CGNL1: variants seen among roughly 807,000 people sequenced by gnomAD.
The protein encoded by CGNL1 is cingulin-like protein 1.
A neutral mutation model predicts 141.2 loss-of-function variants in CGNL1; 132 were observed. The observed-to-expected ratio is 0.93, with a 90% CI of 0.81 to 1.08. The LOEUF (loss-of-function observed/expected upper bound fraction) is 1.08. Among genes scored for constraint, CGNL1 ranks in the 50% least tolerant of loss-of-function variants. CGNL1 has a pLI of 0.00. For synonymous variants in CGNL1, 690 were observed against 622.1 expected (o/e 1.11, Z -1.63); for missense variants, 1,870 against 1,588.6 (o/e 1.18, Z -3.01).
chr15:57,386,299 A>G (rs1239619799), intron 1 of CGNL1, among the ~76,000 whole-genome samples: 1 of 152,166 alleles, frequency 6.6e-6, no homozygotes. Flanking sequence ...GTTAAAGGGC[A>G]GATAGGTAAT....
intron 8 of CGNL1, among the ~76,000 whole-genome samples, chr15:57,471,640 G>A (rs1055468389): frequency 3.9e-5 from 6 of 152,200 alleles, no homozygotes; most frequent in East Asian, 1.9e-4. Flanking sequence ...TTCTGGGGGG[G>A]CCTCCTGCTC....
intron 10 of CGNL1, 117 bp downstream of exon 10, chr15:57,518,614 C>G (rs1296391202): frequency 2.3e-5 from 16 of 683,044 alleles, no homozygotes; most frequent in South Asian, 3.6e-5. Context: ...TCCCTTTCAC[C>G]CATAATAACC....
chr15:57,473,910 T>C (rs1481238388), intron 8 of CGNL1, among the ~76,000 whole-genome samples: 6 of 133,838 alleles, frequency 4.5e-5, no homozygotes, highest in Admixed American at 1.5e-4. Context: ...TTTTTTTTTT[T>C]TTTTTTTTTT....
At chr15:57,433,311 A>G in intron 1 of CGNL1, among the ~76,000 whole-genome samples, 1 of 152,202 alleles carries the variant, frequency 6.6e-6, no homozygotes, top group East Asian at 1.9e-4. Context: ...TTGTTTTATG[A>G]TATTAGTAGC....
chr15:57,439,038 A>G lies in CGNL1; in HGVS notation c.1039A>G (p.Thr347Ala), dbSNP rs140722834. The stretch of plus-strand genomic sequence containing the variant: ...GCCAGGAACTGGACGGGATATTGAT[A>G]CAGGATCAATTCCTGGTGTGGATCA... Reference protein sequence around the residue: ...FLPGTGRDIDTGSIPGVDQLI... With the variant: ...FLPGTGRDIDAGSIPGVDQLI... Residue 347 changes from threonine to alanine, a missense_variant, in exon 2 of 19, where the codon ACA (threonine) becomes GCA (alanine). Physicochemically the swap from Thr to Ala is moderately conservative, Grantham distance 58 (BLOSUM62 0). Transcript: ENST00000281282. The G allele has an allele frequency of 6.2e-7, 1 of 1,614,168 alleles. No individual in the cohort carries two copies. Among genetic ancestry groups the G allele is most frequent in the South Asian group, 1.1e-5 (1 of 91,086 alleles).
intron 14 of CGNL1, among the ~76,000 whole-genome samples, chr15:57,534,557 A>G (rs2032142559): frequency 6.6e-6 from 1 of 152,192 alleles, no homozygotes; most frequent in African/African-American, 2.4e-5. Flanking sequence ...TTGGGTATAG[A>G]CAGATGGGCC....
At chr15:57,471,472 G>A (rs2063580143) in intron 8 of CGNL1, among the ~76,000 whole-genome samples, 1 of 152,184 alleles carries the variant, frequency 6.6e-6, no homozygotes, top group African/African-American at 2.4e-5. Context: ...CAGAAGGTAG[G>A]GCTGATACCC....
chr15:57,449,459 T>A (rs544388051), intron 4 of CGNL1, among the ~76,000 whole-genome samples: 14 of 152,284 alleles, frequency 9.2e-5, no homozygotes, highest in African/African-American at 3.4e-4. Context: ...GTGCAGACAG[T>A]TCCCGTTTAC....
intron 1 of CGNL1, among the ~76,000 whole-genome samples, chr15:57,407,747 AT>A (rs35752757): frequency 0.031 from 4,250 of 136,148 alleles, 83 homozygotes; most frequent in African/African-American, 0.046. Flanking sequence ...ATTATTCTCA[AT>A]TTTTTTTTTT....
intron 7 of CGNL1, among the ~76,000 whole-genome samples, chr15:57,454,207 T>C (rs1184819743): frequency 1.3e-5 from 2 of 152,218 alleles, no homozygotes; most frequent in African/African-American, 4.8e-5. Flanking sequence ...TGTAACATTA[T>C]CATCACCTGT....
In CGNL1 at chr15:57,531,281, A is replaced by T. The variant is rs185687589; in HGVS notation, c.3202-409A>T. Among the ~76,000 whole-genome samples, 42 of 152,348 alleles carry T rather than the reference A, an allele frequency of 2.8e-4. No individual in the cohort carries two copies. The East Asian group carries it at 6.4e-3, about 23-fold the overall frequency. On this transcript the variant is annotated intron_variant, in intron 13 of 18. Transcript: ENST00000281282. ...TGACTCCTGCAAGGCTCTTGCAGACAAAAGATTGTCCGGAGCGTCAAGTGT... is the reference window on the plus strand; with the variant it reads ...TGACTCCTGCAAGGCTCTTGCAGACTAAAGATTGTCCGGAGCGTCAAGTGT...
chr15:57,434,385 C>T (rs766465734), intron 1 of CGNL1, among the ~76,000 whole-genome samples: 1 of 151,984 alleles, frequency 6.6e-6, no homozygotes, highest in Non-Finnish European at 1.5e-5. Flanking sequence ...CTAAAAAATT[C>T]AACATTGCTA....
At chr15:57,392,037 A>G (rs947473957) in intron 1 of CGNL1, among the ~76,000 whole-genome samples, 5 of 143,284 alleles carry the variant, frequency 3.5e-5, no homozygotes, top group East Asian at 2.0e-4. Context: ...TAAGATGGTG[A>G]AAAAAAAGTC....
intron 1 of CGNL1, among the ~76,000 whole-genome samples, chr15:57,393,288 A>G (rs1258029159): frequency 1.3e-5 from 2 of 152,184 alleles, no homozygotes; most frequent in African/African-American, 2.4e-5. Context: ...TATTCAGACA[A>G]TGATAATATC....
intron 1 of CGNL1, among the ~76,000 whole-genome samples, chr15:57,391,983 C>CT (rs1293853200): frequency 6.7e-6 from 1 of 148,424 alleles, no homozygotes; most frequent in East Asian, 2.0e-4. Flanking sequence ...TCCCCCCCCT[C>CT]ACCTGACACC....
intron 8 of CGNL1, among the ~76,000 whole-genome samples, chr15:57,472,768 C>T (rs1415255460): frequency 5.3e-5 from 8 of 152,072 alleles, no homozygotes; most frequent in African/African-American, 1.9e-4. Context: ...TGTCTTTGGG[C>T]AGGTGGATGA....
chr15:57,399,238 G>A (rs955927095), intron 1 of CGNL1, among the ~76,000 whole-genome samples: 1 of 152,178 alleles, frequency 6.6e-6, no homozygotes, highest in Non-Finnish European at 1.5e-5. Flanking sequence ...ATCTGAAAAT[G>A]TACAATAAAT....
chr15:57,544,748 T>C (rs933924865), intron 16 of CGNL1, 151 bp downstream of exon 16: 1 of 982,230 alleles, frequency 1.0e-6, no homozygotes, highest in Non-Finnish European at 1.5e-6. Context: ...ATTTCCATTT[T>C]ATAGGTGGGA....
At chr15:57,471,374 G>A (rs2063579166) in intron 8 of CGNL1, among the ~76,000 whole-genome samples, 1 of 152,214 alleles carries the variant, frequency 6.6e-6, no homozygotes, top group African/African-American at 2.4e-5. Context: ...GGAGAGGTAG[G>A]ACACTGGGTA....
Sources: gnomAD v4.1 joint callset for allele counts (sites outside exome capture counted in the v4.1 genomes callset) on GRCh38, gnomAD v4.1.1 for gene constraint, MANE v1.5 for transcripts, NCBI Gene and HGNC (gene_info 2026-07-23, HGNC 2026-07-21) for gene names.